The following ARHGEF28 variants were observed in gnomAD, a reference collection of about 807,000 sequenced individuals.
ARHGEF28 encodes the protein Rho guanine nucleotide exchange factor 28, also known as 190 kDa guanine nucleotide exchange factor.
ARHGEF28 carries 152 observed loss-of-function variants against 206.6 expected under a neutral mutation model. The ratio of observed to expected loss-of-function variants is 0.74; its 90% CI spans 0.64 to 0.84. The LOEUF (loss-of-function observed/expected upper bound fraction) is 0.84. ARHGEF28 is among the 40% of genes least tolerant of loss of function. ARHGEF28 has a pLI of 0.00. For synonymous variants in ARHGEF28, 763 were observed against 776.4 expected (o/e 0.98, Z 0.29); for missense variants, 2,028 against 2,073.2 (o/e 0.98, Z 0.42).
At chr5:73,644,952 G>T (rs753380244) in intron 1 of ARHGEF28, among the ~76,000 whole-genome samples, 5 of 152,192 alleles carry the variant, frequency 3.3e-5, no homozygotes, top group Admixed American at 6.5e-5. Flanking sequence ...ACAAGAAAGA[G>T]ATTTTAGTAG....
At position 73,868,182 on chromosome 5, in the gene ARHGEF28, C is replaced by T. The variant is rs868425463; in HGVS notation, c.2380C>T (p.Gln794Ter). ...RSRSHSDELL[Q>*]SMGSSPSTES... ...CAGGTCTCATTCTGATGAGCTGCTA[C>T]AGTCCATGGGCTCTTCTCCCTCTAC... The change falls in exon 20 of 36, where the codon CAG becomes TAG. Residue 794 changes from glutamine to a stop codon, truncating the protein, a stop_gained. Transcript: ENST00000513042. LOFTEE classifies it high-confidence loss of function. 1.2e-6 allele frequency: 2 copies of T among 1,600,302 alleles called. No individual in the cohort carries two copies. Among genetic ancestry groups the T allele is most frequent in the Non-Finnish European group, 1.7e-6 (2 of 1,172,802 alleles).
At chr5:73,698,068 G>A (rs565846018) in intron 2 of ARHGEF28, among the ~76,000 whole-genome samples, 1 of 152,262 alleles carries the variant, frequency 6.6e-6, no homozygotes, top group South Asian at 2.1e-4. Context: ...TAGATTGAAA[G>A]TGAGTATTCA....
intron 35 of ARHGEF28, among the ~76,000 whole-genome samples, chr5:73,935,676 T>C (rs924840087): frequency 1.3e-5 from 2 of 151,986 alleles, no homozygotes; most frequent in African/African-American, 2.4e-5. Flanking sequence ...TATTACAGAG[T>C]TGGAACAGTA....
At chr5:73,740,232 A>G (rs1379712219) in intron 2 of ARHGEF28, among the ~76,000 whole-genome samples, 1 of 152,022 alleles carries the variant, frequency 6.6e-6, no homozygotes, top group African/African-American at 2.4e-5. Context: ...ATCCCACGAA[A>G]TCCAAATCCA....
chr5:73,808,962 A>G (rs1296955081), intron 9 of ARHGEF28, among the ~76,000 whole-genome samples: 1 of 152,148 alleles, frequency 6.6e-6, no homozygotes, highest in African/African-American at 2.4e-5. Flanking sequence ...AAGTGAGACT[A>G]TTTCAGTGGC....
chr5:73,758,765 C>G (rs956591879), intron 4 of ARHGEF28, among the ~76,000 whole-genome samples: 1 of 152,142 alleles, frequency 6.6e-6, no homozygotes, highest in African/African-American at 2.4e-5. Flanking sequence ...GTTGGCCAGT[C>G]TGGTCTCGAA....
chr5:73,820,760 C>T (rs142538818), intron 9 of ARHGEF28, among the ~76,000 whole-genome samples: 5 of 152,280 alleles, frequency 3.3e-5, no homozygotes, highest in South Asian at 2.1e-4. Context: ...CAGGCCACTT[C>T]GTGTTCTTCT....
intron 2 of ARHGEF28, among the ~76,000 whole-genome samples, chr5:73,690,676 TGA>T (rs1317713883): frequency 6.6e-6 from 1 of 151,892 alleles, no homozygotes; most frequent in African/African-American, 2.4e-5. Flanking sequence ...CCAGCCTGGG[TGA>T]GAGAGCAATA....
At chr5:73,842,899 A>G (rs1481565773) in intron 11 of ARHGEF28, among the ~76,000 whole-genome samples, 3 of 151,422 alleles carry the variant, frequency 2.0e-5, no homozygotes, top group Non-Finnish European at 4.4e-5. Flanking sequence ...AGGCAGGCTC[A>G]TTGCCTGAAT....
intron 4 of ARHGEF28, among the ~76,000 whole-genome samples, chr5:73,754,329 C>T (rs1025840704): frequency 6.6e-5 from 10 of 152,152 alleles, no homozygotes; most frequent in Non-Finnish European, 1.5e-4. Context: ...TACTTAAAGA[C>T]GTCTCTTGTT....
chr5:73,653,677 C>T (rs972274000), intron 1 of ARHGEF28, among the ~76,000 whole-genome samples: 9 of 152,214 alleles, frequency 5.9e-5, no homozygotes, highest in Non-Finnish European at 1.2e-4. Flanking sequence ...AAATGTGCCT[C>T]CTCTCTATAG....
At chr5:73,743,314 T>C (rs1297872126) in intron 2 of ARHGEF28, among the ~76,000 whole-genome samples, 1 of 152,222 alleles carries the variant, frequency 6.6e-6, no homozygotes, top group Non-Finnish European at 1.5e-5. Context: ...ATTACTTCTC[T>C]GAGTGGTTCT....
intron 9 of ARHGEF28, among the ~76,000 whole-genome samples, chr5:73,799,938 G>C (rs1181783304): frequency 6.6e-6 from 1 of 152,150 alleles, no homozygotes; most frequent in Admixed American, 6.5e-5. Context: ...GGCTGGTAGA[G>C]AGTGGGCTTG....
intron 35 of ARHGEF28, chr5:73,923,075 T>G: frequency 6.5e-7 from 1 of 1,535,024 alleles, no homozygotes; most frequent in Non-Finnish European, 8.7e-7. Context: ...TGCGGCCATA[T>G]TTTGCATTCA....
intron 2 of ARHGEF28, among the ~76,000 whole-genome samples, chr5:73,728,097 G>A (rs1750390542): frequency 6.6e-6 from 1 of 152,168 alleles, no homozygotes; most frequent in South Asian, 2.1e-4. Context: ...TGTTGGTCCT[G>A]TTGAGGTCTT....
intron 2 of ARHGEF28, among the ~76,000 whole-genome samples, chr5:73,704,620 T>C (rs183307562): frequency 2.6e-5 from 4 of 152,172 alleles, no homozygotes; most frequent in Non-Finnish European, 5.9e-5. Flanking sequence ...AAATGGGGTT[T>C]TGTCATGTTG....
intron 2 of ARHGEF28, among the ~76,000 whole-genome samples, chr5:73,743,818 T>A (rs1447452889): frequency 6.6e-6 from 1 of 152,170 alleles, no homozygotes; most frequent in Non-Finnish European, 1.5e-5. Context: ...TATCTATCTG[T>A]AGATTTCAGG....
intron 9 of ARHGEF28, among the ~76,000 whole-genome samples, chr5:73,811,655 C>T (rs1350894482): frequency 6.6e-6 from 1 of 152,120 alleles, no homozygotes; most frequent in Non-Finnish European, 1.5e-5. Context: ...TAATTATACC[C>T]AGCTGGTTGA....
At chr5:73,653,259 G>C (rs956597712) in intron 1 of ARHGEF28, among the ~76,000 whole-genome samples, 3 of 152,146 alleles carry the variant, frequency 2.0e-5, no homozygotes, top group Admixed American at 1.3e-4. Flanking sequence ...GCGATGTGAG[G>C]GGTTGATTTT....
Sources: gnomAD v4.1 joint callset for allele counts (sites outside exome capture counted in the v4.1 genomes callset) on GRCh38, gnomAD v4.1.1 for gene constraint, MANE v1.5 for transcripts, NCBI Gene and HGNC (gene_info 2026-07-23, HGNC 2026-07-21) for gene names.